The following BCAS3 variants were observed in gnomAD, a reference collection of about 807,000 sequenced individuals.
BCAS3 encodes the protein BCAS4/BCAS3 fusion.
In BCAS3, 53 loss-of-function variants were observed where a neutral mutation model predicts 116.1. The ratio of observed to expected loss-of-function variants is 0.46; its 90% CI spans 0.37 to 0.57. The LOEUF (loss-of-function observed/expected upper bound fraction) is 0.57, where lower values mean the gene tolerates loss of function less well. BCAS3 is among the 20% of genes least tolerant of loss of function. The pLI is 0.00. For synonymous variants in BCAS3, 391 were observed against 408.2 expected, an observed-to-expected ratio of 0.96 and a Z score of 0.51; for missense variants, 917 against 1,165.4, an observed-to-expected ratio of 0.79 and a Z score of 3.10.
intron 6 of BCAS3, among the ~76,000 whole-genome samples, chr17:60,766,810 C>T (rs1384303986): frequency 6.6e-6 from 1 of 152,230 alleles, no homozygotes; most frequent in Non-Finnish European, 1.5e-5. Context: ...CAGGTGGAGT[C>T]TACAGAGGCA....
chr17:60,990,365 TTCTTAATTATTAAATAATTTA>T lies in BCAS3; in HGVS notation c.1486+131_1486+151del, dbSNP rs1167160382. Reference sequence around the variant, plus strand: ...AAGAAGATCTTAGGCTTATATGAAATTCTTAATTATTAAATAATTTAATAAATTGGAGCCAGTATAGTAATG... The same window carrying T: ...AAGAAGATCTTAGGCTTATATGAAATATAAATTGGAGCCAGTATAGTAATG... On this transcript the variant is annotated intron_variant, in intron 15 of 23. Transcript: ENST00000407086. The surrounding 1 kb of genome is among the most constrained non-coding windows in gnomAD (Gnocchi z 5.1). 1 of 946,528 alleles carries T rather than the reference TTCTTAATTATTAAATAATTTA, an allele frequency of 1.1e-6. No homozygotes were observed. 58.6% of individuals were successfully genotyped at this position (946,528 alleles called of 1,614,324 possible). A position where few individuals can be genotyped will look rare whatever the true frequency, so the allele number is the denominator to read the frequency against.
intron 22 of BCAS3, among the ~76,000 whole-genome samples, chr17:61,295,565 T>C (rs7222004): frequency 0.1 from 15,373 of 152,208 alleles, 1,316 homozygotes; most frequent in African/African-American, 0.23. Context: ...GTTCCTTTGT[T>C]CAGGTATTTA....
rs1440198669 is a variant in BCAS3, at chr17:61,226,087, C to T, written c.2425+141523C>T. The stretch of plus-strand genomic sequence containing the variant: ...ATGAGCAAGCTGTAATGGTGCCTGT[C>T]GAGAGTCCCAGCTGCTTGGGGGGCT... On this transcript the variant is annotated intron_variant, in intron 22 of 23. Coordinates refer to ENST00000407086, the MANE Select transcript of BCAS3 (RefSeq NM_017679.5). The surrounding 1 kb of genome is among the most constrained non-coding windows in gnomAD (Gnocchi z 6.0). Among the ~76,000 whole-genome samples the T allele has an allele frequency of 6.6e-6, 1 of 152,058 alleles. No homozygotes were observed. Among genetic ancestry groups the T allele is most frequent in the Non-Finnish European group, 1.5e-5 (1 of 68,018 alleles).
intron 7 of BCAS3, among the ~76,000 whole-genome samples, chr17:60,821,495 T>A (rs755096087): frequency 2.0e-5 from 3 of 152,206 alleles, no homozygotes; most frequent in African/African-American, 4.8e-5. Flanking sequence ...TCATGTCTCT[T>A]TGTAATTCTT....
At chr17:61,173,868 G>A (rs776245201) in intron 22 of BCAS3, among the ~76,000 whole-genome samples, 1 of 152,150 alleles carries the variant, frequency 6.6e-6, no homozygotes, top group African/African-American at 2.4e-5. Flanking sequence ...GTGACAGAGT[G>A]AGACCCTGTC....
chr17:60,912,543 G>A (rs1034746562), intron 12 of BCAS3, among the ~76,000 whole-genome samples: 6 of 152,022 alleles, frequency 3.9e-5, no homozygotes, highest in African/African-American at 1.4e-4. Context: ...TGAAATCTGA[G>A]TAATAATTCT....
intron 4 of BCAS3, among the ~76,000 whole-genome samples, chr17:60,697,167 G>A (rs1044486173): frequency 2.6e-5 from 4 of 152,118 alleles, no homozygotes; most frequent in African/African-American, 4.8e-5. Flanking sequence ...TTCAGACTGG[G>A]TGACAGGGCA....
At chr17:61,329,647 G>T (rs1189099703) in intron 22 of BCAS3, among the ~76,000 whole-genome samples, 1 of 152,118 alleles carries the variant, frequency 6.6e-6, no homozygotes, top group Non-Finnish European at 1.5e-5. Context: ...GGCCTATGTT[G>T]TTATTTTTCT....
chr17:61,098,230 G>C lies in BCAS3; in HGVS notation c.2425+13666G>C, dbSNP rs1010890940. Among the ~76,000 whole-genome samples, 12 of 152,204 alleles carry C rather than the reference G, an allele frequency of 7.9e-5. No homozygotes were observed. The highest frequency in any genetic ancestry group is 1.5e-4 in the Non-Finnish European group (10 of 68,036). ...TACTTGGACATTTTGAAGGTAGCTT[G>C]TTGTTACAGAATATTCATATATTCA... is the stretch of plus-strand genomic sequence containing the variant. On this transcript the variant is annotated intron_variant, in intron 22 of 23. Coordinates refer to ENST00000407086, the MANE Select transcript of BCAS3 (RefSeq NM_017679.5). This position sits in a 1 kb window ranked among gnomAD's most constrained non-coding sequence, Gnocchi z 4.2.
chr17:60,783,180 T>C (rs533573295), intron 6 of BCAS3, among the ~76,000 whole-genome samples: 1 of 152,282 alleles, frequency 6.6e-6, no homozygotes, highest in South Asian at 2.1e-4. Context: ...TCATCAGTTT[T>C]TCAATCAACA....
rs184542779 is a variant in BCAS3 at position 61,020,871 on chromosome 17, G to A, written c.1637+4970G>A. On this transcript the variant is annotated intron_variant, in intron 16 of 23. Transcript: ENST00000407086. This position sits in a 1 kb window ranked among gnomAD's most constrained non-coding sequence, Gnocchi z 4.5. ...AAATTTCAAAAAGAAGTCATGGTAGGTAGTTCCGTGGGAATAAAAAATATT... is the reference window on the plus strand; with the variant it reads ...AAATTTCAAAAAGAAGTCATGGTAGATAGTTCCGTGGGAATAAAAAATATT... Among the ~76,000 whole-genome samples, 13 of 152,294 alleles carry A rather than the reference G, an allele frequency of 8.5e-5. No individual in the cohort carries two copies. The highest frequency in any genetic ancestry group is 3.4e-3 in the Middle Eastern group (1 of 294).
At chr17:61,318,169 A>G (rs2054902646) in intron 22 of BCAS3, among the ~76,000 whole-genome samples, 1 of 152,156 alleles carries the variant, frequency 6.6e-6, no homozygotes. Context: ...ACTAGAACAC[A>G]CCAAAAAAGG....
rs549035513 is a variant in BCAS3, at chr17:60,778,990, C to G, written c.404-29014C>G. On this transcript the variant is annotated intron_variant, in intron 6 of 23. Transcript: ENST00000407086. The stretch of plus-strand genomic sequence containing the variant: ...ATATTTGAATAAACATCTAAACAAT[C>G]TTTTTTTGCAGTACACTTTGGGTTA... 3.9e-5 allele frequency among the ~76,000 whole-genome samples: 6 copies of G among 152,174 alleles called. No homozygotes were observed. In the East Asian group the frequency reaches 1.2e-3, roughly 29 times the overall value.
intron 9 of BCAS3, among the ~76,000 whole-genome samples, chr17:60,887,718 C>T (rs1169199035): frequency 1.3e-5 from 2 of 152,014 alleles, no homozygotes; most frequent in African/African-American, 4.8e-5. Flanking sequence ...TTTGTCCTTG[C>T]CAGGAGAAAT....
intron 5 of BCAS3, among the ~76,000 whole-genome samples, chr17:60,734,363 C>T (rs945596089): frequency 2.6e-5 from 4 of 152,194 alleles, no homozygotes; most frequent in East Asian, 1.9e-4. Flanking sequence ...CTCTTGGCCT[C>T]AAGCAGTCCT....
intron 22 of BCAS3, among the ~76,000 whole-genome samples, chr17:61,212,503 T>C (rs1476008056): frequency 1.3e-5 from 2 of 151,738 alleles, no homozygotes; most frequent in African/African-American, 4.8e-5. Context: ...GCTACCTAAA[T>C]TTTGTTATAT....
At chr17:61,006,817 A>T (rs975148127) in intron 15 of BCAS3, among the ~76,000 whole-genome samples, 2 of 152,026 alleles carry the variant, frequency 1.3e-5, no homozygotes, top group African/African-American at 4.8e-5. Context: ...TTTTTAAAAA[A>T]TTTTTATTTA....
intron 22 of BCAS3, among the ~76,000 whole-genome samples, chr17:61,246,325 A>G (rs570836621): frequency 3.3e-5 from 5 of 151,932 alleles, no homozygotes; most frequent in Admixed American, 1.3e-4. Flanking sequence ...TACAAAAAAT[A>G]CAAAAATTAG....
chr17:60,886,489 G>T (rs2056650022), intron 9 of BCAS3: 1 of 152,202 alleles, frequency 6.6e-6, no homozygotes, highest in Admixed American at 6.5e-5. Flanking sequence ...TGCTGGTGAG[G>T]AACTGCGTTC....
Sources: allele counts gnomAD v4.1 joint callset (sites outside exome capture counted in the v4.1 genomes callset), GRCh38; gene constraint gnomAD v4.1.1; non-coding constraint Gnocchi (gnomAD v3.1); transcripts MANE v1.5; gene names NCBI Gene and HGNC (gene_info 2026-07-23, HGNC 2026-07-21).